The following PRIM2 variants were observed in gnomAD, a reference collection of about 807,000 sequenced individuals.
PRIM2 encodes the protein DNA primase subunit 2.
PRIM2 carries 39 observed loss-of-function variants against 67.3 expected under a neutral mutation model. The ratio of observed to expected loss-of-function variants is 0.58; its 90% CI spans 0.45 to 0.76. PRIM2 has a LOEUF of 0.76. PRIM2 is among the 30% of genes least tolerant of loss of function. The pLI is 0.00. For missense variants in PRIM2, 398 were observed against 598.7 expected, an observed-to-expected ratio of 0.66 and a Z score of 3.50; for synonymous variants, 143 against 198.7, an observed-to-expected ratio of 0.72 and a Z score of 2.36.
intron 10 of PRIM2, among the ~76,000 whole-genome samples, chr6:57,559,131 TAAA>T (rs2127477565): frequency 7.1e-6 from 1 of 141,602 alleles, no homozygotes; most frequent in East Asian, 2.0e-4. Context: ...CCCTGCGTCT[TAAA>T]GAAAAAAAAA....
At chr6:57,320,680 C>T (rs983396095) in intron 3 of PRIM2, 120 bp downstream of exon 3, 14 of 607,074 alleles carry the variant, frequency 2.3e-5, no homozygotes, top group Non-Finnish European at 3.7e-5. Flanking sequence ...GTATCATTAG[C>T]CTGAAGGTTC....
chr6:57,248,673 T>A, the PRIM2 span, among the ~76,000 whole-genome samples: 5 of 151,966 alleles, frequency 3.3e-5, no homozygotes, highest in Admixed American at 6.6e-5. Flanking sequence ...GAATGAAGAG[T>A]AGGCCTGCAA....
At chr6:57,474,621 G>A (rs1773430471) in intron 7 of PRIM2, among the ~76,000 whole-genome samples, 1 of 152,012 alleles carries the variant, frequency 6.6e-6, no homozygotes, top group Non-Finnish European at 1.5e-5. Context: ...AAGAAGTTAA[G>A]CAGGGAGAAT....
intron 5 of PRIM2, among the ~76,000 whole-genome samples, chr6:57,341,756 C>T (rs1334219106): frequency 6.6e-6 from 1 of 152,178 alleles, no homozygotes; most frequent in East Asian, 1.9e-4. Context: ...GCATTTGTTT[C>T]ATGAGGTGGT....
chr6:57,336,562 C>T (rs12195373), intron 5 of PRIM2, among the ~76,000 whole-genome samples: 1 of 152,126 alleles, frequency 6.6e-6, no homozygotes, highest in Non-Finnish European at 1.5e-5. Flanking sequence ...ATTCAACATT[C>T]TTAAAGAAAA....
chr6:57,328,067 C>G (rs1472875431), intron 5 of PRIM2, among the ~76,000 whole-genome samples: 1 of 152,202 alleles, frequency 6.6e-6, no homozygotes, highest in African/African-American at 2.4e-5. Context: ...TGCTCGCTCA[C>G]TGCTCACCTC....
chr6:57,595,954 G>C lies in PRIM2; in HGVS notation c.1021-5139G>C, dbSNP rs1363455257. ...AGTTCCAGGCTTCTAATTATGGCTTGGTCTTTCTGGTGACCAGCCCCCATC... is the reference window on the plus strand; with the variant it reads ...AGTTCCAGGCTTCTAATTATGGCTTCGTCTTTCTGGTGACCAGCCCCCATC... On this transcript the variant is annotated intron_variant, in intron 10 of 13. Transcript: ENST00000615550. Among the ~76,000 whole-genome samples, 9 of 151,864 alleles carry C rather than the reference G, an allele frequency of 5.9e-5. No individual in the cohort carries two copies. The East Asian group carries it at 1.2e-3, about 20-fold the overall frequency.
the PRIM2 span, among the ~76,000 whole-genome samples, chr6:57,233,872 A>T: frequency 7.2e-5 from 11 of 152,158 alleles, no homozygotes; most frequent in Non-Finnish European, 5.9e-5. Context: ...AATGTTGCCC[A>T]GGCTGGACTC....
chr6:57,404,611 C>T (rs543437597), intron 7 of PRIM2, among the ~76,000 whole-genome samples: 200 of 152,332 alleles, frequency 1.3e-3, no homozygotes, highest in African/African-American at 4.6e-3. Context: ...TTTATGAACT[C>T]GGAAAACTCC....
intron 8 of PRIM2, among the ~76,000 whole-genome samples, chr6:57,523,487 A>T (rs1249662550): frequency 1.3e-5 from 2 of 152,232 alleles, no homozygotes; most frequent in Non-Finnish European, 2.9e-5. Flanking sequence ...AAGTGTTGCA[A>T]CTATTCCACT....
intron 10 of PRIM2, among the ~76,000 whole-genome samples, chr6:57,574,352 G>A (rs1157382447): frequency 1.3e-5 from 2 of 151,606 alleles, no homozygotes; most frequent in African/African-American, 4.8e-5. Flanking sequence ...CCATTCTGTG[G>A]AGTGTGCTTT....
chr6:57,340,479 G>A (rs983113033), intron 5 of PRIM2, among the ~76,000 whole-genome samples: 1 of 152,112 alleles, frequency 6.6e-6, no homozygotes, highest in African/African-American at 2.4e-5. Context: ...ATGATAGACT[G>A]GATTAAGTAA....
At position 57,559,621 on chromosome 6, in the gene PRIM2, A is replaced by G. The variant is rs1192872818; in HGVS notation, c.1020+21996A>G. ...GATAGATCCTAGACAACATAGATGT[A>G]GGTATTTAACATCGCTAAGGTGGTA... On this transcript the variant is annotated intron_variant, in intron 10 of 13. Coordinates refer to ENST00000615550, the MANE Select transcript of PRIM2 (RefSeq NM_000947.5). Among the ~76,000 whole-genome samples, 213 of 152,258 alleles carry G rather than the reference A, an allele frequency of 1.4e-3. 5 individuals carry two copies. The East Asian group carries it at 0.019, about 14-fold the overall frequency.
chr6:57,511,717 C>T (rs1554347732), intron 8 of PRIM2, among the ~76,000 whole-genome samples: 1 of 151,880 alleles, frequency 6.6e-6, no homozygotes, highest in African/African-American at 2.4e-5. Context: ...ATAATATTGT[C>T]ATTAACTAAG....
At chr6:57,533,679 T>C (rs1774938651) in intron 9 of PRIM2, among the ~76,000 whole-genome samples, 1 of 152,232 alleles carries the variant, frequency 6.6e-6, no homozygotes, top group South Asian at 2.1e-4. Context: ...AATTCTGTTC[T>C]TAGTTCTAGC....
chr6:57,553,997 A>G (rs1775457651), intron 10 of PRIM2, among the ~76,000 whole-genome samples: 2 of 152,204 alleles, frequency 1.3e-5, no homozygotes, highest in Non-Finnish European at 2.9e-5. Context: ...CTGACAAATC[A>G]ACACTTAAAC....
chr6:57,308,320 A>G, the PRIM2 span, among the ~76,000 whole-genome samples: 1 of 151,804 alleles, frequency 6.6e-6, no homozygotes, highest in Non-Finnish European at 1.5e-5. Context: ...GCAGGGTTTC[A>G]CCGTGTTGCT....
the PRIM2 span, among the ~76,000 whole-genome samples, chr6:57,275,820 C>A: frequency 6.6e-6 from 1 of 152,208 alleles, no homozygotes; most frequent in Non-Finnish European, 1.5e-5. Flanking sequence ...AGTGGGCCAA[C>A]TGGAACTCCT....
At chr6:57,390,657 G>C (rs7770654) in intron 7 of PRIM2, among the ~76,000 whole-genome samples, 1 of 152,004 alleles carries the variant, frequency 6.6e-6, no homozygotes, top group Admixed American at 6.6e-5. Context: ...TCTATTCTTG[G>C]GTTAGTTTGC....
Sources: gnomAD v4.1 joint callset for allele counts (sites outside exome capture counted in the v4.1 genomes callset) on GRCh38, gnomAD v4.1.1 for gene constraint, MANE v1.5 for transcripts, NCBI Gene and HGNC (gene_info 2026-07-23, HGNC 2026-07-21) for gene names.